COL4A4: variants seen among roughly 807,000 people sequenced by gnomAD.
COL4A4 encodes collagen type IV alpha 4 chain.
Under a neutral mutation model 192.9 loss-of-function variants are expected in COL4A4, and 105 were observed. The observed-to-expected ratio is 0.54, with a 90% CI of 0.46 to 0.64. COL4A4 has a LOEUF of 0.64. Ranked by LOEUF, COL4A4 falls within the 30% of genes least tolerant of loss-of-function variation. The pLI, the probability that COL4A4 is intolerant of heterozygous loss-of-function variation, is 0.00. For missense variants in COL4A4, 1,967 were observed against 2,169.3 expected (o/e 0.91, Z 1.85); for synonymous variants, 762 against 769.9 (o/e 0.99, Z 0.17).
At position 227,098,756 on chromosome 2, in the gene COL4A4, G is replaced by T; in HGVS notation, c.1142C>A (p.Thr381Lys). Residue 381 changes from threonine to lysine, a missense_variant, in exon 19 of 48, where the codon ACA (threonine) becomes AAA (lysine). Thr to Lys is a moderately conservative substitution (Grantham distance 78). Coordinates refer to ENST00000396625, the MANE Select transcript of COL4A4 (RefSeq NM_000092.5). The stretch of plus-strand genomic sequence containing the variant: ...GGGACCAGGTGGTCCAACATCCCCT[G>T]TTTCTCCATAGCGGCCAGGGAACCC... The part of the protein sequence containing the change: ...DPGFPGRYGE[T>K]GDVGPPGPPG... 1 of 1,614,078 alleles carries T rather than the reference G, an allele frequency of 6.2e-7. No homozygotes were observed. The highest frequency in any genetic ancestry group is 1.3e-5 in the African/African-American group (1 of 75,048).
chr2:227,073,681 C>T (rs1289718967), intron 25 of COL4A4, among the ~76,000 whole-genome samples: 1 of 152,088 alleles, frequency 6.6e-6, no homozygotes, highest in Non-Finnish European at 1.5e-5. Context: ...CAGCATGGTA[C>T]TGTTGTAAAA....
chr2:227,032,293 G>T lies in COL4A4; in HGVS notation c.3578-17C>A, dbSNP rs1245247592. 6.2e-7 allele frequency: 1 copy of T among 1,608,608 alleles called. No individual in the cohort carries two copies. The highest frequency in any genetic ancestry group is 8.5e-7 in the Non-Finnish European group (1 of 1,177,190). On this transcript the variant is annotated splice_polypyrimidine_tract_variant and intron_variant, in intron 38 of 47. Transcript: ENST00000396625. ...CATGCAAACCTTAATGGGGAAAACA[G>T]AATTAATACTATATCTTCTCTTTTC...
chr2:227,014,790 A>G (rs1964521312), intron 44 of COL4A4, among the ~76,000 whole-genome samples: 1 of 151,954 alleles, frequency 6.6e-6, no homozygotes, highest in African/African-American at 2.4e-5. Flanking sequence ...GGCTCACTGC[A>G]GCCTCCACCT....
At chr2:227,067,610 A>C (rs2150360412) in intron 25 of COL4A4, among the ~76,000 whole-genome samples, 1 of 152,312 alleles carries the variant, frequency 6.6e-6, no homozygotes, top group South Asian at 2.1e-4. Flanking sequence ...CCTGCTCCTG[A>C]ATGACTACTG....
At position 227,007,560 on chromosome 2, in the gene COL4A4, C is replaced by T; in HGVS notation, c.4838G>A (p.Gly1613Glu). Residue 1613 changes from glycine (G) to glutamate (E), a missense_variant, in exon 48 of 48, where the codon GGG (glycine) becomes GAG (glutamate). By Grantham distance (98) the Gly-to-Glu change is moderately conservative. Transcript: ENST00000396625. ...GCTGCCAGGTGACATAAGGGCCTGC[C>T]CTCCTCCTTGGTCCCCAGCTCCTGT... Reference protein sequence around the residue: ...MHTGAGDQGGGQALMSPGSCL... With the variant: ...MHTGAGDQGGEQALMSPGSCL... 6.2e-7 allele frequency: 1 copy of T among 1,612,736 alleles called. No homozygotes were observed. The highest frequency in any genetic ancestry group is 8.5e-7 in the Non-Finnish European group (1 of 1,180,022).
In COL4A4 at chr2:227,003,030, A is replaced by AT. The variant is rs1961356747; in HGVS notation, c.*4294dup. 2 of 152,734 alleles carry AT rather than the reference A, an allele frequency of 1.3e-5. No homozygotes were observed. Among genetic ancestry groups the AT allele is most frequent in the Admixed American group, 1.3e-4 (2 of 15,292 alleles). The allele number at this position is 152,734 out of a possible 1,614,324, so 9.5% of individuals were successfully genotyped here. On this transcript the variant is annotated 3_prime_UTR_variant, in exon 48 of 48. Coordinates refer to ENST00000396625, the MANE Select transcript of COL4A4 (RefSeq NM_000092.5). ...TAACAGTGACAATTGCAGAGTACTG[A>AT]TTTTTAATGTCAATTGTTTGTTCCC...
intron 24 of COL4A4, 38 bp downstream of exon 24, chr2:227,080,405 A>G (rs532149046): frequency 6.5e-7 from 1 of 1,549,618 alleles, no homozygotes; most frequent in South Asian, 1.1e-5. Context: ...ACCATATAAG[A>G]AAGTGAAATT....
chr2:227,048,544 T>A (rs1973379590), intron 34 of COL4A4, among the ~76,000 whole-genome samples: 1 of 151,944 alleles, frequency 6.6e-6, no homozygotes, highest in East Asian at 1.9e-4. Flanking sequence ...AGCCAGTTGG[T>A]AGACAGGTAA....
chr2:227,161,935 C>CAA (rs145896035), intron 1 of COL4A4, among the ~76,000 whole-genome samples: 82 of 130,280 alleles, frequency 6.3e-4, no homozygotes, highest in East Asian at 2.8e-3. Flanking sequence ...TTCCTTTGTA[C>CAA]AAAAAAAAAA....
rs76918233 is a variant in COL4A4 at position 227,060,017 on chromosome 2, T to C, written c.2164+119A>G. On this transcript the variant is annotated intron_variant, in intron 27 of 47. Coordinates refer to ENST00000396625, the MANE Select transcript of COL4A4 (RefSeq NM_000092.5). The stretch of plus-strand genomic sequence containing the variant: ...ATCAAGAAACACCATTTCCCTATTA[T>C]CTAGGGATCCCTGGACCATTTCCTC... The C allele has an allele frequency of 3.6e-3, 2,589 of 714,684 alleles. 42 individuals carry two copies. The African/African-American group carries it at 0.043, about 12-fold the overall frequency. The allele number at this position is 714,684 out of a possible 1,614,324, so 44.3% of individuals were successfully genotyped here.
intron 18 of COL4A4, 79 bp downstream of exon 18, chr2:227,099,541 C>A: frequency 7.7e-7 from 1 of 1,302,814 alleles, no homozygotes; most frequent in South Asian, 1.2e-5. Flanking sequence ...TATGGAAATA[C>A]TGGGCCAGAC....
chr2:227,083,292 C>G (rs2059417915), intron 22 of COL4A4, among the ~76,000 whole-genome samples: 1 of 152,006 alleles, frequency 6.6e-6, no homozygotes, highest in Admixed American at 6.5e-5. Context: ...ATTTCAAATA[C>G]CATTATAGAA....
chr2:227,032,482 A>G (rs1366970856), intron 38 of COL4A4, among the ~76,000 whole-genome samples: 1 of 152,200 alleles, frequency 6.6e-6, no homozygotes, highest in Non-Finnish European at 1.5e-5. Context: ...TATTTCTTTT[A>G]TAGTTATTTT....
chr2:227,121,516 C>T (rs1464707240), intron 4 of COL4A4, among the ~76,000 whole-genome samples: 1 of 145,496 alleles, frequency 6.9e-6, no homozygotes, highest in African/African-American at 2.6e-5. Context: ...GTGAGCTGAT[C>T]GCACCACTGC....
chr2:226,970,207 CCTT>C, the COL4A4 span, among the ~76,000 whole-genome samples: 1 of 151,810 alleles, frequency 6.6e-6, no homozygotes, highest in Non-Finnish European at 1.5e-5. Context: ...TGTATTTTCC[CCTT>C]TTACCTACTA....
chr2:226,985,064 G>C, the COL4A4 span, among the ~76,000 whole-genome samples: 2 of 152,128 alleles, frequency 1.3e-5, no homozygotes, highest in African/African-American at 4.8e-5. Flanking sequence ...GAGTATTACT[G>C]CATCCAGGAT....
At chr2:227,089,105 A>C (rs762500815) in intron 21 of COL4A4, among the ~76,000 whole-genome samples, 3 of 152,196 alleles carry the variant, frequency 2.0e-5, no homozygotes, top group Non-Finnish European at 4.4e-5. Flanking sequence ...ATCCAATTCT[A>C]CTGAAGAAAC....
intron 24 of COL4A4, 111 bp from the exon 25 acceptor site, chr2:227,078,188 G>C: frequency 2.0e-6 from 2 of 1,009,370 alleles, no homozygotes; most frequent in Admixed American, 4.4e-5. Flanking sequence ...TCAGGAGACA[G>C]TTACTCTTAA....
At chr2:227,025,713 AGCT>A in intron 43 of COL4A4, 86 bp downstream of exon 43, 1 of 1,171,764 alleles carries the variant, frequency 8.5e-7, no homozygotes, top group Non-Finnish European at 1.3e-6. Context: ...AACAAAGTTT[AGCT>A]CACACATACA....
Sources: allele counts gnomAD v4.1 joint callset (sites outside exome capture counted in the v4.1 genomes callset), GRCh38; gene constraint gnomAD v4.1.1; transcripts MANE v1.5; gene names NCBI Gene and HGNC (gene_info 2026-07-23, HGNC 2026-07-21).